Variants in WDPCP observed in about 807,000 individuals in gnomAD.
WDPCP encodes the protein WD repeat-containing and planar cell polarity effector protein fritz homolog.
WDPCP carries 71 observed loss-of-function variants against 93.1 expected under a neutral mutation model. That is an observed-to-expected ratio of 0.76 (90% confidence interval 0.63 to 0.93). The LOEUF is 0.93. WDPCP is among the 40% of genes least tolerant of loss of function. WDPCP has a pLI of 0.00. For synonymous variants in WDPCP, 315 were observed against 315.0 expected, an observed-to-expected ratio of 1.00 and a Z score of 0.00; for missense variants, 844 against 887.4, an observed-to-expected ratio of 0.95 and a Z score of 0.62.
chr2:63,626,285 C>G (rs1165183260), intron 3 of WDPCP, among the ~76,000 whole-genome samples: 1 of 152,166 alleles, frequency 6.6e-6, no homozygotes, highest in Admixed American at 6.5e-5. Flanking sequence ...TGGGCAAAGA[C>G]TTCATGACCA....
At position 63,423,020 on chromosome 2, in the gene WDPCP, T is replaced by C. The variant is rs187154986; in HGVS notation, c.825+10725A>G. On this transcript the variant is annotated intron_variant, in intron 9 of 17. Coordinates refer to ENST00000272321, the MANE Select transcript of WDPCP (RefSeq NM_015910.7). ...GCTATATGGGTATACAAGAAAGTGA[T>C]AAAAAGTCATGATAGTAGTTACTTT... Among the ~76,000 whole-genome samples, 3 of 152,326 alleles carry C rather than the reference T, an allele frequency of 2.0e-5. No individual in the cohort carries two copies. The East Asian group carries it at 5.8e-4, about 29-fold the overall frequency.
At chr2:63,554,497 C>CA (rs1462408637) in intron 1 of WDPCP, among the ~76,000 whole-genome samples, 8 of 151,998 alleles carry the variant, frequency 5.3e-5, no homozygotes, top group Admixed American at 4.6e-4. Flanking sequence ...ATTAAAAATA[C>CA]AAAAAATTAG....
intron 11 of WDPCP, among the ~76,000 whole-genome samples, chr2:63,380,227 A>T (rs557168841): frequency 6.6e-5 from 10 of 151,430 alleles, no homozygotes; most frequent in African/African-American, 2.4e-4. Context: ...GCTTTTTAAA[A>T]TTTTTTCTTT....
At chr2:63,764,432 T>C (rs926870077) in intron 2 of WDPCP, among the ~76,000 whole-genome samples, 10 of 152,300 alleles carry the variant, frequency 6.6e-5, no homozygotes, top group South Asian at 2.1e-4. Flanking sequence ...GGTGTATCTC[T>C]GCATAGGCCT....
chr2:63,720,949 C>A (rs1669405753), intron 2 of WDPCP, among the ~76,000 whole-genome samples: 1 of 152,256 alleles, frequency 6.6e-6, no homozygotes, highest in African/African-American at 2.4e-5. Context: ...TGCTGCCATA[C>A]CTGACAGATA....
At chr2:63,754,963 G>A (rs550680928) in intron 2 of WDPCP, among the ~76,000 whole-genome samples, 1 of 152,288 alleles carries the variant, frequency 6.6e-6, no homozygotes, top group South Asian at 2.1e-4. Flanking sequence ...TCATAAGAAG[G>A]CTTGACTAGG....
chr2:63,448,724 C>T (rs62177838), intron 6 of WDPCP, among the ~76,000 whole-genome samples: 1 of 152,070 alleles, frequency 6.6e-6, no homozygotes, highest in East Asian at 1.9e-4. Context: ...CATGGATGAA[C>T]CTGTGGGACA....
At chr2:63,503,133 C>T (rs891470845) in intron 1 of WDPCP, among the ~76,000 whole-genome samples, 1 of 152,166 alleles carries the variant, frequency 6.6e-6, no homozygotes, top group Non-Finnish European at 1.5e-5. Flanking sequence ...CGGTTTAATT[C>T]ACTTAGTTAA....
intron 17 of WDPCP, among the ~76,000 whole-genome samples, chr2:63,126,097 G>T (rs917910329): frequency 6.6e-6 from 1 of 151,540 alleles, no homozygotes; most frequent in Non-Finnish European, 1.5e-5. Context: ...ACCACACCAG[G>T]CTATTTTTGT....
intron 17 of WDPCP, among the ~76,000 whole-genome samples, chr2:63,151,406 G>A (rs546135221): frequency 6.6e-6 from 1 of 152,110 alleles, no homozygotes; most frequent in Non-Finnish European, 1.5e-5. Context: ...TGTGTTTTTA[G>A]TAGAGATGGG....
At chr2:63,492,705 A>C in intron 2 of WDPCP, 151 bp downstream of exon 2, 1 of 674,402 alleles carries the variant, frequency 1.5e-6, no homozygotes, top group Non-Finnish European at 2.6e-6. Context: ...AGTAATTAAA[A>C]GGAATTATTT....
chr2:63,747,441 C>T (rs1017871149), intron 2 of WDPCP, among the ~76,000 whole-genome samples: 12 of 151,908 alleles, frequency 7.9e-5, no homozygotes, highest in African/African-American at 2.9e-4. Context: ...GTCTTTGATT[C>T]TCCCAAAATT....
At chr2:63,630,725 G>T (rs1304326174) in intron 3 of WDPCP, among the ~76,000 whole-genome samples, 1 of 152,160 alleles carries the variant, frequency 6.6e-6, no homozygotes, top group Non-Finnish European at 1.5e-5. Flanking sequence ...GAGACAGAAA[G>T]ATCTGTAAGC....
chr2:63,375,161 G>C (rs1691743771), intron 12 of WDPCP, among the ~76,000 whole-genome samples: 1 of 151,904 alleles, frequency 6.6e-6, no homozygotes, highest in African/African-American at 2.4e-5. Context: ...ACATTCATTT[G>C]AAATGTTTGC....
At chr2:63,183,410 T>C (rs550688021) in intron 14 of WDPCP, among the ~76,000 whole-genome samples, 54 of 152,246 alleles carry the variant, frequency 3.5e-4, no homozygotes, top group African/African-American at 1.2e-3. Flanking sequence ...GGATATGTTA[T>C]CCAATTTCCA....
chr2:63,259,581 T>C (rs946573543), intron 13 of WDPCP, among the ~76,000 whole-genome samples, 172 bp from the exon 14 acceptor site: 3 of 152,222 alleles, frequency 2.0e-5, no homozygotes, highest in Non-Finnish European at 2.9e-5. Flanking sequence ...TTTTTCTGAA[T>C]TGGAGATCAC....
rs796647152 is a variant in WDPCP at position 63,749,338 on chromosome 2, C to A, written n.308+64284G>T. The stretch of plus-strand genomic sequence containing the variant: ...CTAAAATACTACACTTCTCCAAGAT[C>A]CCTTCCTCTTTTAGTCCCTGATCTG... On this transcript the variant is annotated intron_variant and non_coding_transcript_variant, in intron 2 of 4. Coordinates refer to the WDPCP transcript ENST00000467687. Among the ~76,000 whole-genome samples the A allele has an allele frequency of 2.6e-5, 4 of 152,210 alleles. 1 individual carries two copies. The highest frequency in any genetic ancestry group is 9.6e-5 in the African/African-American group (4 of 41,554).
intron 17 of WDPCP, among the ~76,000 whole-genome samples, chr2:63,133,852 G>A (rs1670447262): frequency 6.6e-6 from 1 of 152,142 alleles, no homozygotes; most frequent in African/African-American, 2.4e-5. Flanking sequence ...GGGGAGGAGT[G>A]GAACAAGGGT....
intron 2 of WDPCP, among the ~76,000 whole-genome samples, chr2:63,776,585 G>A (rs1316719710): frequency 6.6e-6 from 1 of 150,462 alleles, no homozygotes; most frequent in African/African-American, 2.4e-5. Flanking sequence ...GAGCCTGGGA[G>A]GTCAAGGCTG....
Sources: allele counts gnomAD v4.1 joint callset (sites outside exome capture counted in the v4.1 genomes callset), GRCh38; gene constraint gnomAD v4.1.1; transcripts MANE v1.5; gene names NCBI Gene and HGNC (gene_info 2026-07-23, HGNC 2026-07-21).